Variants in PRKCE observed in about 807,000 individuals in gnomAD.
PRKCE encodes protein kinase C epsilon.
Under a neutral mutation model 85.4 loss-of-function variants are expected in PRKCE, and 16 were observed. The observed-to-expected ratio is 0.19, with a 90% confidence interval of 0.13 to 0.28. PRKCE has a LOEUF of 0.28. Ranked by LOEUF, PRKCE falls within the 10% of genes least tolerant of loss-of-function variation. The pLI is 1.00. For synonymous variants in PRKCE, 388 were observed against 371.5 expected (o/e 1.04, Z -0.51); for missense variants, 573 against 975.2 (o/e 0.59, Z 5.49).
chr2:45,702,329 A>G (rs373769487), intron 1 of PRKCE, among the ~76,000 whole-genome samples: 1 of 152,192 alleles, frequency 6.6e-6, no homozygotes, highest in South Asian at 2.1e-4. Context: ...AGCCCGGAAT[A>G]CTAGTCCCAG....
At chr2:45,984,772 T>G in intron 6 of PRKCE, 92 bp downstream of exon 6, 1 of 1,507,664 alleles carries the variant, frequency 6.6e-7, no homozygotes, top group Non-Finnish European at 8.9e-7. Context: ...CCTTGTCTGA[T>G]TCCAGATTTG....
At chr2:45,738,523 C>T (rs1043098922) in intron 1 of PRKCE, among the ~76,000 whole-genome samples, 10 of 140,108 alleles carry the variant, frequency 7.1e-5, no homozygotes, top group African/African-American at 2.6e-4. Context: ...TGCAACCAGA[C>T]GTGTTTTCTC....
intron 1 of PRKCE, among the ~76,000 whole-genome samples, chr2:45,834,634 A>G (rs1431559958): frequency 1.3e-5 from 2 of 151,726 alleles, no homozygotes; most frequent in Non-Finnish European, 2.9e-5. Flanking sequence ...ATGCTCCCCC[A>G]TTGTATTCAC....
intron 10 of PRKCE, among the ~76,000 whole-genome samples, chr2:46,085,511 G>C (rs1005594509): frequency 6.6e-6 from 1 of 151,744 alleles, no homozygotes; most frequent in Non-Finnish European, 1.5e-5. Flanking sequence ...CAGAGGTTCC[G>C]CTCCTTGCCT....
intron 14 of PRKCE, among the ~76,000 whole-genome samples, chr2:46,161,462 A>G (rs1677750745): frequency 6.6e-6 from 1 of 152,252 alleles, no homozygotes; most frequent in African/African-American, 2.4e-5. Flanking sequence ...GTGCAGGGCT[A>G]CAAGATGACT....
intron 1 of PRKCE, among the ~76,000 whole-genome samples, chr2:45,815,752 G>C (rs1229507716): frequency 6.6e-6 from 1 of 152,226 alleles, no homozygotes; most frequent in African/African-American, 2.4e-5. Flanking sequence ...GTTGAGGAAT[G>C]ACATGGATCT....
intron 1 of PRKCE, among the ~76,000 whole-genome samples, chr2:45,672,681 A>G (rs944892137): frequency 6.6e-6 from 1 of 152,106 alleles, no homozygotes; most frequent in Non-Finnish European, 1.5e-5. Context: ...TGAGATTACC[A>G]TTTGTCTGTC....
chr2:45,897,501 T>A (rs1696240709), intron 2 of PRKCE, among the ~76,000 whole-genome samples: 1 of 152,206 alleles, frequency 6.6e-6, no homozygotes, highest in Non-Finnish European at 1.5e-5. Context: ...TTTATGTAGG[T>A]CAAATGGATG....
chr2:46,085,753 T>G (rs1164264755), intron 10 of PRKCE, among the ~76,000 whole-genome samples: 2 of 14,128 alleles, frequency 1.4e-4, no homozygotes, highest in South Asian at 3.3e-3. Context: ...TTTTTTGTTT[T>G]TGTTTTTTTT....
chr2:46,151,195 G>A lies in PRKCE; in HGVS notation c.1886G>A (p.Trp629Ter). 6.3e-7 allele frequency: 1 copy of A among 1,598,606 alleles called. No homozygotes were observed. The highest frequency in any genetic ancestry group is 8.5e-7 in the Non-Finnish European group (1 of 1,179,302). The stretch of plus-strand genomic sequence containing the variant: ...CATGACGACGTGCTGTACCCAGTCT[G>A]GCTCAGCAAGGAGGCTGTCAGCATC... ...ILHDDVLYPV[W>*]LSKEAVSILK... Residue 629 changes from tryptophan (W) to a stop codon, truncating the protein, a stop_gained, in exon 13 of 15, where the codon TGG becomes TAG. Transcript: ENST00000306156. LOFTEE classifies it high-confidence loss of function.
At chr2:46,044,546 A>G (rs1207626386) in intron 10 of PRKCE, among the ~76,000 whole-genome samples, 1 of 152,120 alleles carries the variant, frequency 6.6e-6, no homozygotes, top group Non-Finnish European at 1.5e-5. Context: ...TTCTCTCTTC[A>G]CCATCTTGCT....
chr2:45,711,480 C>T (rs2104369566), intron 1 of PRKCE, among the ~76,000 whole-genome samples: 1 of 152,346 alleles, frequency 6.6e-6, no homozygotes, highest in Middle Eastern at 3.4e-3. Flanking sequence ...GTCCTTATTT[C>T]ACAAGATCAT....
chr2:46,154,785 C>T (rs1225900795), intron 13 of PRKCE, among the ~76,000 whole-genome samples: 2 of 150,804 alleles, frequency 1.3e-5, no homozygotes, highest in Non-Finnish European at 2.9e-5. Context: ...CCCTATCCAC[C>T]TTTATCCTGC....
intron 2 of PRKCE, among the ~76,000 whole-genome samples, chr2:45,893,811 G>A (rs1480026029): frequency 6.6e-6 from 1 of 152,098 alleles, no homozygotes; most frequent in Non-Finnish European, 1.5e-5. Context: ...TCCCAACTAT[G>A]CGGTGAGCTC....
intron 10 of PRKCE, among the ~76,000 whole-genome samples, chr2:46,083,489 A>G (rs1669295644): frequency 6.6e-6 from 1 of 152,150 alleles, no homozygotes; most frequent in Non-Finnish European, 1.5e-5. Flanking sequence ...AGTCAAGGAA[A>G]TACTCCATTG....
chr2:46,062,023 C>T (rs1045420089), intron 10 of PRKCE, among the ~76,000 whole-genome samples: 2 of 151,896 alleles, frequency 1.3e-5, no homozygotes, highest in African/African-American at 4.8e-5. Context: ...CCACCACGCC[C>T]GGCTAATTTT....
At chr2:45,884,235 G>A (rs559145028) in intron 2 of PRKCE, among the ~76,000 whole-genome samples, 1 of 152,350 alleles carries the variant, frequency 6.6e-6, no homozygotes, top group East Asian at 1.9e-4. Context: ...CTGCCACTGG[G>A]CAAGTTACTC....
At chr2:45,842,243 G>T (rs971328679) in intron 1 of PRKCE, among the ~76,000 whole-genome samples, 5 of 152,154 alleles carry the variant, frequency 3.3e-5, no homozygotes, top group African/African-American at 1.2e-4. Context: ...GGAAGTGAGG[G>T]TGCCTGTGCT....
chr2:45,666,001 G>A (rs1184714625), intron 1 of PRKCE, among the ~76,000 whole-genome samples: 1 of 152,106 alleles, frequency 6.6e-6, no homozygotes, highest in African/African-American at 2.4e-5. Flanking sequence ...GGCTTCTAGA[G>A]TCATGGAGAA....
Sources: allele counts gnomAD v4.1 joint callset (sites outside exome capture counted in the v4.1 genomes callset), GRCh38; gene constraint gnomAD v4.1.1; transcripts MANE v1.5; gene names NCBI Gene and HGNC (gene_info 2026-07-23, HGNC 2026-07-21).